Variants in NAGLU observed in about 807,000 individuals in gnomAD.
NAGLU encodes alpha-N-acetylglucosaminidase.
Under a neutral mutation model 43.4 loss-of-function variants are expected in NAGLU, and 34 were observed. The observed-to-expected ratio is 0.78, with a 90% CI of 0.60 to 1.04. The LOEUF (loss-of-function observed/expected upper bound fraction) is 1.04. Among genes scored for constraint, NAGLU ranks in the 50% least tolerant of loss-of-function variants. The pLI, the probability that NAGLU is intolerant of heterozygous loss-of-function variation, is 0.00. For missense variants in NAGLU, 910 were observed against 993.7 expected (o/e 0.92, Z 1.13); for synonymous variants, 425 against 437.6 (o/e 0.97, Z 0.36).
chr17:42,537,358 C>T (rs764654557), intron 1 of NAGLU, 40 bp from the exon 2 acceptor site: 3 of 1,613,662 alleles, frequency 1.9e-6, no homozygotes, highest in Non-Finnish European at 2.5e-6. Flanking sequence ...CGTGGACCCT[C>T]CAGGGTGGGA....
intron 1 of NAGLU, chr17:42,537,059 G>C (rs553155081): frequency 8.7e-6 from 4 of 459,618 alleles, no homozygotes; most frequent in South Asian, 2.1e-5. Context: ...TCACACAGCT[G>C]TCCTCCCCTG....
chr17:42,540,565 G>A (rs1426386232), intron 4 of NAGLU, among the ~76,000 whole-genome samples: 2 of 151,610 alleles, frequency 1.3e-5, no homozygotes, highest in Non-Finnish European at 2.9e-5. Flanking sequence ...GTGTGGTGGC[G>A]GGCACCTGTA....
chr17:42,544,017 T>C lies in NAGLU; in HGVS notation c.2011T>C (p.Tyr671His). The part of the protein sequence containing the change: ...KQLAGLVANY[Y>H]TPRWRLFLEA... The stretch of plus-strand genomic sequence containing the variant: ...GCTGGCGGGGTTGGTGGCCAACTAC[T>C]ACACCCCTCGCTGGCGGCTTTTCCT... The change falls in exon 6 of 6, where the codon TAC becomes CAC. Residue 671 changes from tyrosine to histidine, a missense_variant. Coordinates refer to ENST00000225927, the MANE Select transcript of NAGLU (RefSeq NM_000263.4). 1 of 1,611,074 alleles carries C rather than the reference T, an allele frequency of 6.2e-7. No individual in the cohort carries two copies. The highest frequency in any genetic ancestry group is 8.5e-7 in the Non-Finnish European group (1 of 1,178,708).
chr17:42,537,305 TC>T, intron 1 of NAGLU, 92 bp from the exon 2 acceptor site: 1 of 1,586,938 alleles, frequency 6.3e-7, no homozygotes, highest in Non-Finnish European at 8.6e-7. Context: ...TTGGAGCCCC[TC>T]CCCTCTCCTC....
At chr17:42,539,720 A>T (rs2092916610) in intron 4 of NAGLU, among the ~76,000 whole-genome samples, 1 of 152,228 alleles carries the variant, frequency 6.6e-6, no homozygotes, top group South Asian at 2.1e-4. Context: ...TGGCTGAAGG[A>T]TACAATGTGG....
In NAGLU at chr17:42,544,279, G is replaced by T. The variant is rs762815916; in HGVS notation, c.*41G>T. The T allele has an allele frequency of 1.2e-6, 2 of 1,601,950 alleles. No homozygotes were observed. The highest frequency in any genetic ancestry group is 2.2e-5 in the South Asian group (2 of 90,930). On this transcript the variant is annotated 3_prime_UTR_variant, in exon 6 of 6. Transcript: ENST00000225927. ...TGGGCCTTGTTTTCCGCTAATTCCAGGGCAGATTCCAGGGCCCAGAGCTGG... is the reference window on the plus strand; with the variant it reads ...TGGGCCTTGTTTTCCGCTAATTCCATGGCAGATTCCAGGGCCCAGAGCTGG...
At chr17:42,538,806 C>T (rs772539898) in intron 4 of NAGLU, 51 bp downstream of exon 4, 3 of 1,598,520 alleles carry the variant, frequency 1.9e-6, no homozygotes, top group South Asian at 2.2e-5. Flanking sequence ...AATTTTATTC[C>T]CTTCTAGAAC....
intron 5 of NAGLU, among the ~76,000 whole-genome samples, chr17:42,541,453 G>C (rs1039545848): frequency 6.6e-6 from 1 of 152,188 alleles, no homozygotes; most frequent in Non-Finnish European, 1.5e-5. Context: ...TGTGACTTAT[G>C]ACTCATGACC....
At position 42,543,571 on chromosome 17, in the gene NAGLU, C is replaced by T. The variant is rs764446533; in HGVS notation, c.1565C>T (p.Ser522Phe). ...HNRSPLVRRP[S>F]LQMNTSIWYN... ...CGTAGCCCGCTGGTCAGGCGGCCGT[C>T]CCTACAGATGAATACCAGCATCTGG... is the stretch of plus-strand genomic sequence containing the variant. The change falls in exon 6 of 6, where the codon TCC (serine) becomes TTC (phenylalanine). Residue 522 changes from serine to phenylalanine, a missense_variant. Coordinates refer to ENST00000225927, the MANE Select transcript of NAGLU (RefSeq NM_000263.4). 2.5e-6 allele frequency: 4 copies of T among 1,612,554 alleles called. No homozygotes were observed. Among genetic ancestry groups the T allele is most frequent in the African/African-American group, 1.3e-5 (1 of 74,950 alleles).
Position 42,536,416 on chromosome 17 carries a change from C to A in NAGLU, c.144C>A (p.Phe48Leu), listed in dbSNP as rs104894599. Reference sequence around the variant, plus strand: ...TGGGGCCAGGCCCCGCGGCCGACTTCTCCGTGTCGGTGGAGCGCGCTCTGG... The same window carrying A: ...TGGGGCCAGGCCCCGCGGCCGACTTATCCGTGTCGGTGGAGCGCGCTCTGG... ...RLLGPGPAAD[F>L]SVSVERALAA... Residue 48 changes from phenylalanine to leucine, a missense_variant, in exon 1 of 6, where the codon TTC becomes TTA. Phe to Leu is a conservative substitution (Grantham distance 22, BLOSUM62 0). Coordinates refer to ENST00000225927, the MANE Select transcript of NAGLU (RefSeq NM_000263.4). 2.6e-5 allele frequency: 33 copies of A among 1,248,148 alleles called. No homozygotes were observed. The highest frequency in any genetic ancestry group is 3.2e-5 in the Non-Finnish European group (32 of 986,606). 77.3% of individuals were successfully genotyped at this position (1,248,148 alleles called of 1,614,324 possible).
At position 42,543,607 on chromosome 17, in the gene NAGLU, C is replaced by T. The variant is rs2092928280; in HGVS notation, c.1601C>T (p.Ser534Phe). 3.7e-6 allele frequency: 6 copies of T among 1,613,156 alleles called. No individual in the cohort carries two copies. The East Asian group carries it at 1.3e-4, about 36-fold the overall frequency. ...QMNTSIWYNR[S>F]DVFEAWRLLL... ...AATACCAGCATCTGGTACAACCGAT[C>T]TGATGTGTTTGAGGCCTGGCGGCTG... Residue 534 changes from serine to phenylalanine, a missense_variant, in exon 6 of 6, where the codon TCT becomes TTT. By Grantham distance (155) the Ser-to-Phe change is radical (BLOSUM62 -2). Coordinates refer to ENST00000225927, the MANE Select transcript of NAGLU (RefSeq NM_000263.4).
At chr17:42,542,782 C>T (rs1015489138) in intron 5 of NAGLU, among the ~76,000 whole-genome samples, 4 of 152,252 alleles carry the variant, frequency 2.6e-5, no homozygotes, top group African/African-American at 9.6e-5. Context: ...GTGTGGGCCA[C>T]CACGCCCATT....
At position 42,543,929 on chromosome 17, in the gene NAGLU, C is replaced by T. The variant is rs1385391783; in HGVS notation, c.1923C>T (p.Asn641=). 1.2e-6 allele frequency: 2 copies of T among 1,607,422 alleles called. No individual in the cohort carries two copies. The highest frequency in any genetic ancestry group is 2.2e-5 in the East Asian group (1 of 44,630). The part of the protein sequence containing the change: ...SEAEADFYEQ[N]SRYQLTLWGP... ...CCGAGGCCGATTTCTACGAGCAGAA[C>T]AGCCGCTACCAGCTGACCTTGTGGG... Residue 641 remains asparagine, a synonymous_variant, in exon 6 of 6, where the codon AAC becomes AAT. Coordinates refer to ENST00000225927, the MANE Select transcript of NAGLU (RefSeq NM_000263.4).
intron 2 of NAGLU, among the ~76,000 whole-genome samples, 186 bp from the exon 3 acceptor site, chr17:42,538,153 C>A (rs1216877408): frequency 6.6e-6 from 1 of 152,238 alleles, no homozygotes. Context: ...ACAAAGGCAA[C>A]ACAGTGAACT....
At chr17:42,542,763 G>A (rs1027636754) in intron 5 of NAGLU, among the ~76,000 whole-genome samples, 3 of 152,250 alleles carry the variant, frequency 2.0e-5, no homozygotes, top group Non-Finnish European at 4.4e-5. Flanking sequence ...CAGAGTACTG[G>A]GATTATAGGT....
intron 4 of NAGLU, 139 bp from the exon 5 acceptor site, chr17:42,540,811 T>C: frequency 8.1e-7 from 1 of 1,240,224 alleles, no homozygotes. Context: ...GAAAGGACTG[T>C]AGGCAGAGAG....
At chr17:42,541,271 C>G in intron 5 of NAGLU, 65 bp downstream of exon 5, 7 of 1,597,478 alleles carry the variant, frequency 4.4e-6, no homozygotes, top group Non-Finnish European at 6.0e-6. Context: ...TAGCAGATGT[C>G]AGTAGGGGTA....
intron 2 of NAGLU, among the ~76,000 whole-genome samples, 173 bp downstream of exon 2, chr17:42,537,718 C>T (rs1307290737): frequency 6.6e-6 from 1 of 152,232 alleles, no homozygotes; most frequent in Non-Finnish European, 1.5e-5. Flanking sequence ...TGGCTCACGC[C>T]TGTCATCCCA....
rs1320023545 is a variant in NAGLU at position 42,544,182 on chromosome 17, C to T, written c.2176C>T (p.Leu726=). Residue 726 remains leucine (L), a synonymous_variant, in exon 6 of 6, where the codon CTG becomes TTG. Coordinates refer to ENST00000225927, the MANE Select transcript of NAGLU (RefSeq NM_000263.4). The stretch of plus-strand genomic sequence containing the variant: ...CCAGCCGCGAGGAGACACTGTGGAC[C>T]TGGCCAAGAAGATCTTCCTCAAATA... The part of the protein sequence containing the change: ...PSQPRGDTVD[L]AKKIFLKYYP... The T allele has an allele frequency of 6.2e-7, 1 of 1,613,094 alleles. No individual in the cohort carries two copies. The highest frequency in any genetic ancestry group is 1.3e-5 in the African/African-American group (1 of 74,910).
Sources: allele counts gnomAD v4.1 joint callset (sites outside exome capture counted in the v4.1 genomes callset), GRCh38; gene constraint gnomAD v4.1.1; transcripts MANE v1.5; gene names NCBI Gene and HGNC (gene_info 2026-07-23, HGNC 2026-07-21).